The following HMGCLL1 variants were observed in gnomAD, a reference collection of about 807,000 sequenced individuals.
HMGCLL1 encodes 3-hydroxy-3-methylglutaryl-CoA lyase like 1.
A neutral mutation model predicts 39.1 loss-of-function variants in HMGCLL1; 36 were observed. The observed-to-expected ratio is 0.92, with a 90% CI of 0.71 to 1.22. The LOEUF (loss-of-function observed/expected upper bound fraction) is 1.22. HMGCLL1 is among the 50% of genes most tolerant of loss of function. The pLI is 0.00. For synonymous variants in HMGCLL1, 149 were observed against 144.0 expected, an observed-to-expected ratio of 1.03 and a Z score of -0.25; for missense variants, 451 against 416.5, an observed-to-expected ratio of 1.08 and a Z score of -0.72.
At chr6:55,592,707 A>G in the HMGCLL1 span, among the ~76,000 whole-genome samples, 63 of 152,248 alleles carry the variant, frequency 4.1e-4, no homozygotes, top group Middle Eastern at 0.017. Context: ...AATAATGGTA[A>G]TGAGAACAAG....
At chr6:55,614,750 A>C in the HMGCLL1 span, among the ~76,000 whole-genome samples, 7 of 152,122 alleles carry the variant, frequency 4.6e-5, no homozygotes, top group Non-Finnish European at 8.8e-5. Flanking sequence ...ATAACTTTCT[A>C]GCATTTAATC....
At chr6:55,478,030 TG>T (rs1442069926) in intron 7 of HMGCLL1, among the ~76,000 whole-genome samples, 5 of 150,856 alleles carry the variant, frequency 3.3e-5, no homozygotes, top group African/African-American at 1.2e-4. Context: ...ATAAAGCATC[TG>T]GGCTTGATGT....
intron 1 of HMGCLL1, among the ~76,000 whole-genome samples, chr6:55,556,230 A>G (rs1037665313): frequency 1.3e-5 from 2 of 152,196 alleles, no homozygotes; most frequent in Non-Finnish European, 2.9e-5. Context: ...AATATATAGT[A>G]TAAGTGTTAT....
chr6:55,650,736 T>A, the HMGCLL1 span, among the ~76,000 whole-genome samples: 1 of 152,108 alleles, frequency 6.6e-6, no homozygotes, highest in African/African-American at 2.4e-5. Context: ...GTTGTTAAGC[T>A]GGCACTCAAA....
chr6:55,571,686 G>C (rs1220383295), intron 1 of HMGCLL1, among the ~76,000 whole-genome samples: 1 of 151,990 alleles, frequency 6.6e-6, no homozygotes, highest in Non-Finnish European at 1.5e-5. Flanking sequence ...GCGGGCACCT[G>C]TAGTCCCAGC....
the HMGCLL1 span, among the ~76,000 whole-genome samples, chr6:55,621,082 C>G: frequency 6.6e-6 from 1 of 151,984 alleles, no homozygotes; most frequent in Non-Finnish European, 1.5e-5. Context: ...ATTCTTTTTG[C>G]TCAGGATGGC....
At chr6:55,554,750 G>T (rs1352330183) in intron 1 of HMGCLL1, among the ~76,000 whole-genome samples, 1 of 152,030 alleles carries the variant, frequency 6.6e-6, no homozygotes, top group Admixed American at 6.6e-5. Context: ...TCCTTGCCCA[G>T]GTCTAAGGCG....
chr6:55,626,357 G>A, the HMGCLL1 span, among the ~76,000 whole-genome samples: 1 of 152,078 alleles, frequency 6.6e-6, no homozygotes, highest in Non-Finnish European at 1.5e-5. Context: ...TGGCTAAAGT[G>A]CAGCAGTGGG....
intron 4 of HMGCLL1, among the ~76,000 whole-genome samples, chr6:55,516,136 T>C (rs1307103153): frequency 6.6e-6 from 1 of 151,938 alleles, no homozygotes; most frequent in Non-Finnish European, 1.5e-5. Context: ...TCAACAAAGG[T>C]TGACAAAAAT....
intron 1 of HMGCLL1, among the ~76,000 whole-genome samples, chr6:55,559,659 G>A (rs1770839863): frequency 6.6e-6 from 1 of 152,100 alleles, no homozygotes; most frequent in Admixed American, 6.6e-5. Context: ...AAAGAATATG[G>A]GGTTGTGTGT....
At chr6:55,611,320 A>G in the HMGCLL1 span, among the ~76,000 whole-genome samples, 4 of 152,156 alleles carry the variant, frequency 2.6e-5, no homozygotes, top group Admixed American at 6.6e-5. Flanking sequence ...AAAGATCTCA[A>G]ATAGACACCC....
At chr6:55,603,640 T>C in the HMGCLL1 span, among the ~76,000 whole-genome samples, 8 of 152,174 alleles carry the variant, frequency 5.3e-5, no homozygotes, top group African/African-American at 1.9e-4. Flanking sequence ...AAGGTCTTCT[T>C]GGGGAAAACT....
chr6:55,608,316 G>T, the HMGCLL1 span, among the ~76,000 whole-genome samples: 58 of 152,272 alleles, frequency 3.8e-4, no homozygotes, highest in African/African-American at 1.3e-3. Flanking sequence ...ACTTGACTCT[G>T]CCAGAGACAA....
At chr6:55,587,606 G>A in the HMGCLL1 span, among the ~76,000 whole-genome samples, 1 of 152,158 alleles carries the variant, frequency 6.6e-6, no homozygotes, top group South Asian at 2.1e-4. Context: ...GACACAGACT[G>A]GCAAATAGGA....
intron 7 of HMGCLL1, among the ~76,000 whole-genome samples, chr6:55,489,033 A>T: frequency 6.6e-6 from 1 of 152,042 alleles, no homozygotes; most frequent in East Asian, 1.9e-4. Context: ...CAGTCATGTG[A>T]TAATAGTTTA....
chr6:55,570,956 C>A (rs373790178), intron 1 of HMGCLL1, among the ~76,000 whole-genome samples: 5 of 152,112 alleles, frequency 3.3e-5, no homozygotes, highest in Non-Finnish European at 7.4e-5. Context: ...GAGAGCCAAG[C>A]GAAAGGGGAA....
At chr6:55,667,955 G>A in the HMGCLL1 span, among the ~76,000 whole-genome samples, 1 of 150,460 alleles carries the variant, frequency 6.6e-6, no homozygotes, top group Non-Finnish European at 1.5e-5. Flanking sequence ...TTTCTTGGTT[G>A]CCCAATACCT....
At chr6:55,605,889 C>T in the HMGCLL1 span, among the ~76,000 whole-genome samples, 1 of 152,096 alleles carries the variant, frequency 6.6e-6, no homozygotes, top group Non-Finnish European at 1.5e-5. Context: ...TTTTAATTTT[C>T]CATCAATGAT....
Position 55,475,575 on chromosome 6 carries a change from G to GGGTGATTT in HMGCLL1, c.795+19836_795+19843dup, listed in dbSNP as rs369114745. On this transcript the variant is annotated intron_variant, in intron 7 of 8. Coordinates refer to ENST00000274901, the MANE Select transcript of HMGCLL1 (RefSeq NM_001042406.2). ...AAGCTTGTCCATGCCGTAAAAATAA[G>GGGTGATTT]GGTGATTTCCAAACTCTTTACATTT... Among the ~76,000 whole-genome samples the GGGTGATTT allele has an allele frequency of 2.9e-3, 436 of 151,712 alleles. 2 individuals are homozygous for GGGTGATTT. Among genetic ancestry groups the GGGTGATTT allele is most frequent in the African/African-American group, 0.01 (418 of 41,482 alleles).
Sources: gnomAD v4.1 joint callset for allele counts (sites outside exome capture counted in the v4.1 genomes callset) on GRCh38, gnomAD v4.1.1 for gene constraint, MANE v1.5 for transcripts, NCBI Gene and HGNC (gene_info 2026-07-23, HGNC 2026-07-21) for gene names.